The following CACNB4 variants were observed in gnomAD, a reference collection of about 807,000 sequenced individuals.
CACNB4 encodes voltage-dependent L-type calcium channel subunit beta-4.
Under a neutral mutation model 71.2 loss-of-function variants are expected in CACNB4, and 32 were observed. The observed-to-expected ratio is 0.45, with a 90% confidence interval of 0.34 to 0.60. CACNB4 has a LOEUF of 0.60. Ranked by LOEUF, CACNB4 falls within the 20% of genes least tolerant of loss-of-function variation. The pLI is 0.01. For missense variants in CACNB4, 464 were observed against 647.9 expected, an observed-to-expected ratio of 0.72 and a Z score of 3.08; for synonymous variants, 231 against 236.9, an observed-to-expected ratio of 0.97 and a Z score of 0.23.
At chr2:151,877,578 A>T (rs2099846768) in intron 4 of CACNB4, among the ~76,000 whole-genome samples, 1 of 152,218 alleles carries the variant, frequency 6.6e-6, no homozygotes, top group Admixed American at 6.5e-5. Context: ...GCTTTCAGTT[A>T]AAAATTCCAC....
At chr2:151,912,888 C>G (rs1448814684) in intron 2 of CACNB4, among the ~76,000 whole-genome samples, 1 of 150,334 alleles carries the variant, frequency 6.7e-6, no homozygotes, top group Non-Finnish European at 1.5e-5. Flanking sequence ...ATAGTTAGCT[C>G]TTCTTGTTGA....
Position 152,044,854 on chromosome 2 carries a change from C to T in CACNB4, c.147+53476G>A, listed in dbSNP as rs549741265. 3.3e-5 allele frequency among the ~76,000 whole-genome samples: 5 copies of T among 152,154 alleles called. No individual in the cohort carries two copies. The South Asian group carries it at 1.0e-3, about 32-fold the overall frequency. On this transcript the variant is annotated intron_variant, in intron 2 of 13. Coordinates refer to ENST00000539935, the MANE Select transcript of CACNB4 (RefSeq NM_000726.5). ...TAAGAGACCATGAAAAACCCAAGGC[C>T]AGTTTCATTCTTCAAAATTTCCAGA...
intron 2 of CACNB4, among the ~76,000 whole-genome samples, chr2:152,001,406 C>T (rs962123259): frequency 4.0e-5 from 6 of 150,800 alleles, no homozygotes; most frequent in African/African-American, 1.2e-4. Context: ...AAGAACGAGT[C>T]GGCCAGGCAC....
At chr2:152,049,165 T>C (rs1685288505) in intron 2 of CACNB4, among the ~76,000 whole-genome samples, 1 of 151,124 alleles carries the variant, frequency 6.6e-6, no homozygotes. Context: ...CTCTCTTTTT[T>C]TTTTTTAAAC....
chr2:151,995,999 A>C (rs540087415), intron 2 of CACNB4, among the ~76,000 whole-genome samples: 1 of 152,376 alleles, frequency 6.6e-6, no homozygotes, highest in African/African-American at 2.4e-5. Context: ...GAATGGTCGG[A>C]GCAAGTCCTT....
chr2:151,925,662 T>C (rs2099860040), intron 2 of CACNB4, among the ~76,000 whole-genome samples: 1 of 109,350 alleles, frequency 9.1e-6, no homozygotes, highest in African/African-American at 3.6e-5. Context: ...TTTGCAAACA[T>C]CCAAATATAG....
At chr2:152,082,022 A>G (rs1288172857) in intron 2 of CACNB4, among the ~76,000 whole-genome samples, 1 of 152,210 alleles carries the variant, frequency 6.6e-6, no homozygotes, top group African/African-American at 2.4e-5. Flanking sequence ...TTAAAGCCCC[A>G]TTAGCTACTT....
At chr2:151,923,137 T>C (rs1289256231) in intron 2 of CACNB4, among the ~76,000 whole-genome samples, 1 of 152,210 alleles carries the variant, frequency 6.6e-6, no homozygotes, top group Non-Finnish European at 1.5e-5. Context: ...GTAAGCATTA[T>C]TTTAAGAAAT....
At chr2:151,870,440 C>A (rs765570337) in intron 8 of CACNB4, 91 bp downstream of exon 8, 1 of 1,060,420 alleles carries the variant, frequency 9.4e-7, no homozygotes, top group African/African-American at 1.6e-5. Flanking sequence ...TCAGGACCCA[C>A]GTGGAAACAG....
At chr2:151,924,554 T>C (rs879862504) in intron 2 of CACNB4, among the ~76,000 whole-genome samples, 5 of 151,594 alleles carry the variant, frequency 3.3e-5, no homozygotes, top group Non-Finnish European at 7.4e-5. Flanking sequence ...CTATAGTATA[T>C]ATATATAATT....
At chr2:151,921,491 G>T (rs561019532) in intron 2 of CACNB4, among the ~76,000 whole-genome samples, 25 of 152,292 alleles carry the variant, frequency 1.6e-4, no homozygotes, top group African/African-American at 6.0e-4. Flanking sequence ...TGTAGTTCTG[G>T]ATGTCAGAAG....
intron 2 of CACNB4, among the ~76,000 whole-genome samples, chr2:151,890,808 G>T (rs1256468609): frequency 6.6e-6 from 1 of 152,170 alleles, no homozygotes; most frequent in African/African-American, 2.4e-5. Flanking sequence ...GCATTCACAT[G>T]GTATCTGTAG....
intron 2 of CACNB4, among the ~76,000 whole-genome samples, chr2:152,025,230 T>C (rs950734191): frequency 5.9e-5 from 9 of 152,220 alleles, no homozygotes; most frequent in Admixed American, 2.6e-4. Context: ...ACCTCTTCTT[T>C]CATATGTGTA....
intron 2 of CACNB4, among the ~76,000 whole-genome samples, chr2:151,923,395 T>C (rs2099859447): frequency 6.6e-6 from 1 of 152,236 alleles, no homozygotes; most frequent in Admixed American, 6.5e-5. Context: ...ATCTCTCACC[T>C]GCTAGCTTGG....
intron 2 of CACNB4, among the ~76,000 whole-genome samples, chr2:151,909,284 A>AT (rs1238026651): frequency 1.3e-5 from 2 of 150,008 alleles, no homozygotes; most frequent in African/African-American, 4.9e-5. Flanking sequence ...TACAAAAAAA[A>AT]ATCAGCGGGG....
intron 9 of CACNB4, among the ~76,000 whole-genome samples, chr2:151,865,326 T>C (rs1177064932): frequency 6.6e-6 from 1 of 152,214 alleles, no homozygotes; most frequent in Non-Finnish European, 1.5e-5. Context: ...GCCCTTTTTT[T>C]CCCTTTATGT....
chr2:151,919,453 C>G (rs2099858369), intron 2 of CACNB4, among the ~76,000 whole-genome samples: 1 of 152,120 alleles, frequency 6.6e-6, no homozygotes, highest in Non-Finnish European at 1.5e-5. Flanking sequence ...GGCTTATATC[C>G]CTCATTACAG....
chr2:151,883,925 A>T (rs1041922300), intron 2 of CACNB4: 1 of 179,162 alleles, frequency 5.6e-6, no homozygotes, highest in African/African-American at 2.4e-5. Context: ...GACGTGGTCA[A>T]CAAGAACACT....
intron 4 of CACNB4, 29 bp from the exon 5 acceptor site, chr2:151,876,585 A>G: frequency 7.2e-7 from 1 of 1,390,692 alleles, no homozygotes; most frequent in East Asian, 2.7e-5. Flanking sequence ...ATTGCTATCA[A>G]TAGTAATTCA....
Sources: allele counts gnomAD v4.1 joint callset (sites outside exome capture counted in the v4.1 genomes callset), GRCh38; gene constraint gnomAD v4.1.1; transcripts MANE v1.5; gene names NCBI Gene and HGNC (gene_info 2026-07-23, HGNC 2026-07-21).